Variants in SLC1A7 observed in about 807,000 individuals in gnomAD.
The protein encoded by SLC1A7 is excitatory amino acid transporter 5.
SLC1A7 carries 40 observed loss-of-function variants against 47.7 expected under a neutral mutation model. The observed-to-expected ratio is 0.84, with a 90% CI of 0.65 to 1.09. The LOEUF (loss-of-function observed/expected upper bound fraction) is 1.09. SLC1A7 is among the 50% of genes least tolerant of loss of function. The pLI is 0.00. For synonymous variants in SLC1A7, 323 were observed against 325.6 expected, an observed-to-expected ratio of 0.99 and a Z score of 0.09; for missense variants, 746 against 769.5, an observed-to-expected ratio of 0.97 and a Z score of 0.36.
chr1:53,103,357 G>A lies in SLC1A7; in HGVS notation c.686C>T (p.Ser229Phe). ...GMNVLGIVFF[S>F]ATMGIMLGRM... ...TGGGCAGCACATACCCATGGTGGCAGAGAAGAAGACGATGCCCAGCACATT... is the reference window on the plus strand; with the variant it reads ...TGGGCAGCACATACCCATGGTGGCAAAGAAGAAGACGATGCCCAGCACATT... Residue 229 changes from serine (S) to phenylalanine (F), a missense_variant, in exon 5 of 11, where the codon TCT becomes TTT. Ser to Phe is a radical substitution (Grantham distance 155). Coordinates refer to ENST00000371494, the MANE Select transcript of SLC1A7 (RefSeq NM_006671.6). 2 of 1,602,108 alleles carry A rather than the reference G, an allele frequency of 1.2e-6. No homozygotes were observed. Among genetic ancestry groups the A allele is most frequent in the Non-Finnish European group, 1.7e-6 (2 of 1,175,058 alleles).
intron 3 of SLC1A7, among the ~76,000 whole-genome samples, chr1:53,111,257 G>A (rs1192739690): frequency 1.3e-5 from 2 of 152,146 alleles, no homozygotes; most frequent in South Asian, 2.1e-4. Context: ...ACCCAGAGAG[G>A]AGGCAATGAC....
Position 53,088,235 on chromosome 1 carries a change from A to G in SLC1A7, c.1465-8T>C. 6.3e-7 allele frequency: 1 copy of G among 1,595,134 alleles called. No homozygotes were observed. The highest frequency in any genetic ancestry group is 8.5e-7 in the Non-Finnish European group (1 of 1,169,594). ...CTCGCAGGGCAGCAGTTTCTGGTGA[A>G]GGGAAACAGGTCTTTGTAGCAGCAG... On this transcript the variant is annotated splice_region_variant and splice_polypyrimidine_tract_variant and intron_variant, in intron 10 of 10. Coordinates refer to ENST00000371494, the MANE Select transcript of SLC1A7 (RefSeq NM_006671.6).
chr1:53,093,745 C>T (rs1168269675), intron 5 of SLC1A7, among the ~76,000 whole-genome samples, 185 bp from the exon 6 acceptor site: 1 of 151,410 alleles, frequency 6.6e-6, no homozygotes, highest in Admixed American at 6.6e-5. Flanking sequence ...ACGTCCTCCT[C>T]TCTCACCTTC....
At chr1:53,105,927 C>T (rs1229154151) in intron 3 of SLC1A7, among the ~76,000 whole-genome samples, 153 bp from the exon 4 acceptor site, 1 of 152,120 alleles carries the variant, frequency 6.6e-6, no homozygotes, top group Non-Finnish European at 1.5e-5. Flanking sequence ...ATCATGGACA[C>T]TCCACAGCGC....
chr1:53,099,473 TCGCCTCAGTACACTCAAC>T (rs1208460933), intron 5 of SLC1A7, among the ~76,000 whole-genome samples: 1 of 138,728 alleles, frequency 7.2e-6, no homozygotes, highest in African/African-American at 2.8e-5. Context: ...CTCACACACC[TCGCCTCAGTACACTCAAC>T]CGCCTCAGTA....
At position 53,092,488 on chromosome 1, in the gene SLC1A7, G is replaced by A. The variant is rs533555069; in HGVS notation, c.1031+66C>T. On this transcript the variant is annotated intron_variant, in intron 7 of 10. Transcript: ENST00000371494. ...GTTCTGTGGCTATGAACCAATGATG[G>A]CTGGACAGACGGACAGGGCTCAGCC... The A allele has an allele frequency of 3.3e-6, 4 of 1,195,502 alleles. No individual in the cohort carries two copies. In the African/African-American group the frequency reaches 4.5e-5, roughly 13 times the overall value. 74.1% of individuals were successfully genotyped at this position (1,195,502 alleles called of 1,614,324 possible).
chr1:53,139,935 ACACT>A (rs1325366414), intron 1 of SLC1A7, among the ~76,000 whole-genome samples: 6 of 152,204 alleles, frequency 3.9e-5, no homozygotes, highest in Non-Finnish European at 8.8e-5. Context: ...TTTAAATGAG[ACACT>A]CATACACCAA....
intron 2 of SLC1A7, among the ~76,000 whole-genome samples, chr1:53,118,816 G>A (rs766155741): frequency 3.9e-5 from 6 of 152,092 alleles, no homozygotes; most frequent in Non-Finnish European, 7.4e-5. Flanking sequence ...TGACCAACAC[G>A]GTGAAGCCCC....
chr1:53,116,203 T>G (rs1413274541), intron 2 of SLC1A7: 1 of 152,320 alleles, frequency 6.6e-6, no homozygotes, highest in Non-Finnish European at 1.5e-5. Context: ...CTGCCCTGCC[T>G]GCTCGCTGGC....
rs774525042 is a variant in SLC1A7, at chr1:53,089,890, TG to T, written c.1270del (p.Gln424ArgfsTer37). The T allele has an allele frequency of 3.9e-5, 63 of 1,613,456 alleles. No homozygotes were observed. The highest frequency in any genetic ancestry group is 5.2e-5 in the Non-Finnish European group (61 of 1,179,936). The part of the protein sequence containing the change: ...AASIGAAGIP[Q>X]AGLVTMVIVL... ...GATGACCATGGTGACGAGGCCGGCC[TG>T]GGGGATGCCAGCTGCCCCAATGCTG... On this transcript the variant is annotated frameshift_variant, in exon 9 of 11. Transcript: ENST00000371494. LOFTEE classifies it high-confidence loss of function.
chr1:53,090,614 G>C lies in SLC1A7; in HGVS notation c.1224C>G (p.Ile408Met). The C allele has an allele frequency of 6.3e-7, 1 of 1,583,120 alleles. No individual in the cohort carries two copies. The highest frequency in any genetic ancestry group is 2.3e-5 in the East Asian group (1 of 44,436). Residue 408 changes from isoleucine to methionine, a missense_variant and splice_region_variant, in exon 8 of 11, where the codon ATC becomes ATG. Physicochemically the swap from Ile to Met is conservative, Grantham distance 10 (BLOSUM62 1). Transcript: ENST00000371494. ...YELDFGQIIT[I>M]SITATAASIG... is the part of the protein sequence containing the mutation. ...CCAGGTGCAGTGTCAGGGTGCACCT[G>C]ATGGTGATGATCTGGCCAAAGTCCA... is the stretch of plus-strand genomic sequence containing the variant.
At chr1:53,101,303 G>A (rs866676164) in intron 5 of SLC1A7, among the ~76,000 whole-genome samples, 404 of 25,190 alleles carry the variant, frequency 0.016, no homozygotes, top group Middle Eastern at 0.071. Flanking sequence ...CGGTACACTC[G>A]CACACCCCAC....
intron 2 of SLC1A7, chr1:53,115,640 C>G (rs1427107359): frequency 6.6e-6 from 1 of 152,542 alleles, no homozygotes; most frequent in East Asian, 1.9e-4. Flanking sequence ...GCTCTGCCAA[C>G]TGGCTGTGTG....
intron 6 of SLC1A7, among the ~76,000 whole-genome samples, chr1:53,093,077 CTCCCTCTGCGT>C (rs1176959120): frequency 1.3e-5 from 2 of 152,240 alleles, no homozygotes; most frequent in African/African-American, 4.8e-5. Context: ...CTGGGCAGCC[CTCCCTCTGCGT>C]TCCCCACTGA....
chr1:53,133,069 GC>G (rs1644957328), intron 2 of SLC1A7, among the ~76,000 whole-genome samples: 1 of 152,178 alleles, frequency 6.6e-6, no homozygotes, highest in Non-Finnish European at 1.5e-5. Context: ...AGATGGAGGG[GC>G]AGAAAGCAGG....
chr1:53,101,972 G>A (rs990931717), intron 5 of SLC1A7, among the ~76,000 whole-genome samples: 1 of 152,194 alleles, frequency 6.6e-6, no homozygotes, highest in Non-Finnish European at 1.5e-5. Flanking sequence ...TCACACAAAT[G>A]TTCACAGATG....
rs2150314195 is a variant in SLC1A7, at chr1:53,090,776, G to A, written c.1062C>T (p.Cys354=). 1 of 1,613,118 alleles carries A rather than the reference G, an allele frequency of 6.2e-7. No homozygotes were observed. The highest frequency in any genetic ancestry group is 8.5e-7 in the Non-Finnish European group (1 of 1,179,614). ...SSATLPITFK[C]LLENNHIDRR... ...GGTCGATGTGGTTGTTCTCCAGCAG[G>A]CACTTGAAGGTGATGGGCAGTGTGG... Residue 354 remains cysteine, a synonymous_variant, in exon 8 of 11, where the codon TGC becomes TGT. Coordinates refer to ENST00000371494, the MANE Select transcript of SLC1A7 (RefSeq NM_006671.6).
chr1:53,092,922 C>T, intron 6 of SLC1A7, 135 bp from the exon 7 acceptor site: 1 of 637,378 alleles, frequency 1.6e-6, no homozygotes, highest in South Asian at 1.8e-5. Context: ...TGCCAAGGTG[C>T]CCGGCCCAGG....
chr1:53,113,218 G>A (rs17108014), intron 3 of SLC1A7, among the ~76,000 whole-genome samples: 8,943 of 152,146 alleles, frequency 0.059, 599 homozygotes, highest in East Asian at 0.27. Flanking sequence ...GGTAGCCTGT[G>A]GAGCCCAGCA....
Sources: gnomAD v4.1 joint callset for allele counts (sites outside exome capture counted in the v4.1 genomes callset) on GRCh38, gnomAD v4.1.1 for gene constraint, MANE v1.5 for transcripts, NCBI Gene and HGNC (gene_info 2026-07-23, HGNC 2026-07-21) for gene names.